The following PRIM2 variants were observed in gnomAD, a reference collection of about 807,000 sequenced individuals.
The protein encoded by PRIM2 is DNA primase large subunit.
In PRIM2, 39 loss-of-function variants were observed where a neutral mutation model predicts 67.3. That is an observed-to-expected ratio of 0.58 (90% confidence interval 0.45 to 0.76). The LOEUF is 0.76. Among genes scored for constraint, PRIM2 ranks in the 30% least tolerant of loss-of-function variants. The pLI, the probability that PRIM2 is intolerant of heterozygous loss-of-function variation, is 0.00. For synonymous variants in PRIM2, 143 were observed against 198.7 expected, an observed-to-expected ratio of 0.72 and a Z score of 2.36; for missense variants, 398 against 598.7, an observed-to-expected ratio of 0.66 and a Z score of 3.50.
chr6:57,341,693 A>G (rs539801256), intron 5 of PRIM2, among the ~76,000 whole-genome samples: 5 of 152,376 alleles, frequency 3.3e-5, no homozygotes, highest in African/African-American at 1.2e-4. Flanking sequence ...CTAGTCAGGT[A>G]TCAGTGATGC....
At chr6:57,300,470 C>T in the PRIM2 span, among the ~76,000 whole-genome samples, 1,848 of 152,030 alleles carry the variant, frequency 0.012, 35 homozygotes, top group African/African-American at 0.043. Context: ...TGTGTGTGTG[C>T]ACGCATGTGT....
the PRIM2 span, among the ~76,000 whole-genome samples, chr6:57,224,173 T>C: frequency 6.6e-6 from 1 of 152,112 alleles, no homozygotes; most frequent in African/African-American, 2.4e-5. Flanking sequence ...TGGCGAGGTA[T>C]CCCTGTAATC....
chr6:57,404,106 A>G lies in PRIM2; in HGVS notation c.693+21938A>G, dbSNP rs527754589. On this transcript the variant is annotated intron_variant, in intron 7 of 13. Coordinates refer to ENST00000615550, the MANE Select transcript of PRIM2 (RefSeq NM_000947.5). ...CAAAGTGTTTTCTAAGAGGCTGTCT[A>G]TAAAACTTACCAAGCAGGCCTCTTC... 6.7e-4 allele frequency among the ~76,000 whole-genome samples: 70 copies of G among 103,888 alleles called. No homozygotes were observed. The East Asian group carries it at 7.9e-3, about 12-fold the overall frequency. The allele number at this position is 103,888 out of a possible 152,430, so 68.2% of individuals were successfully genotyped here. A position where few individuals can be genotyped will look rare whatever the true frequency, so the allele number is the denominator to read the frequency against.
At chr6:57,483,995 T>G (rs1773687601) in intron 7 of PRIM2, among the ~76,000 whole-genome samples, 1 of 152,182 alleles carries the variant, frequency 6.6e-6, no homozygotes, top group Non-Finnish European at 1.5e-5. Flanking sequence ...CCTAAAATGA[T>G]TACGATATTA....
intron 13 of PRIM2, among the ~76,000 whole-genome samples, chr6:57,645,366 C>T (rs1777317379): frequency 1.6e-5 from 2 of 123,730 alleles, no homozygotes; most frequent in Admixed American, 1.7e-4. Flanking sequence ...CACACACACA[C>T]ACACATTTGT....
At chr6:57,383,573 C>CT (rs1482741284) in intron 7 of PRIM2, 1 of 75,248 alleles carries the variant, frequency 1.3e-5, no homozygotes, top group African/African-American at 5.7e-5. Flanking sequence ...GTTTTTCTTG[C>CT]TAAAAAAAAA....
intron 5 of PRIM2, among the ~76,000 whole-genome samples, chr6:57,338,952 A>G (rs1001339691): frequency 1.3e-5 from 2 of 152,244 alleles, no homozygotes; most frequent in African/African-American, 4.8e-5. Flanking sequence ...ATATCTAGAA[A>G]ACAACATTGT....
At chr6:57,603,029 A>T (rs1776498117) in intron 11 of PRIM2, among the ~76,000 whole-genome samples, 1 of 152,130 alleles carries the variant, frequency 6.6e-6, no homozygotes, top group African/African-American at 2.4e-5. Flanking sequence ...TCCAAAGCCC[A>T]TAGTTTACAA....
At chr6:57,512,723 A>G (rs1774396312) in intron 8 of PRIM2, among the ~76,000 whole-genome samples, 1 of 152,000 alleles carries the variant, frequency 6.6e-6, no homozygotes, top group South Asian at 2.1e-4. Context: ...TCAGCTTCCT[A>G]AGTAGCTGGG....
chr6:57,392,165 C>T (rs1770374413), intron 7 of PRIM2, among the ~76,000 whole-genome samples: 1 of 152,052 alleles, frequency 6.6e-6, no homozygotes, highest in African/African-American at 2.4e-5. Flanking sequence ...GTTGATTTGG[C>T]TCTCAGCTTG....
intron 10 of PRIM2, among the ~76,000 whole-genome samples, chr6:57,541,755 C>T (rs1245971914): frequency 6.6e-6 from 1 of 152,152 alleles, no homozygotes; most frequent in South Asian, 2.1e-4. Flanking sequence ...GAAATTCCCT[C>T]TTACTCACAG....
intron 7 of PRIM2, among the ~76,000 whole-genome samples, chr6:57,454,339 T>G (rs1772677086): frequency 6.6e-6 from 1 of 152,236 alleles, no homozygotes; most frequent in African/African-American, 2.4e-5. Context: ...TTTCTATTGA[T>G]TGGAATAGTT....
At chr6:57,335,868 T>C (rs1768225314) in intron 5 of PRIM2, among the ~76,000 whole-genome samples, 2 of 152,282 alleles carry the variant, frequency 1.3e-5, no homozygotes, top group South Asian at 2.1e-4. Context: ...AGAATGACTT[T>C]GACGAGCTGA....
chr6:57,324,589 C>CA (rs915075264), intron 4 of PRIM2, among the ~76,000 whole-genome samples: 1 of 151,742 alleles, frequency 6.6e-6, no homozygotes, highest in Non-Finnish European at 1.5e-5. Context: ...ATTTTTCCTG[C>CA]AAAAAAATGG....
At chr6:57,561,627 C>T (rs2127478328) in intron 10 of PRIM2, among the ~76,000 whole-genome samples, 1 of 152,340 alleles carries the variant, frequency 6.6e-6, no homozygotes, top group Non-Finnish European at 1.5e-5. Flanking sequence ...TAGGCTTTCA[C>T]TTAGGGGAAT....
chr6:57,619,795 A>G (rs1776819760), intron 12 of PRIM2, among the ~76,000 whole-genome samples: 1 of 152,238 alleles, frequency 6.6e-6, no homozygotes, highest in East Asian at 1.9e-4. Context: ...CCTAAGAGTA[A>G]TCGGTATTCC....
chr6:57,274,928 C>G, the PRIM2 span, among the ~76,000 whole-genome samples: 1 of 150,206 alleles, frequency 6.7e-6, no homozygotes, highest in Non-Finnish European at 1.5e-5. Context: ...AGGCACGTGC[C>G]TCAACACCTG....
chr6:57,342,360 T>G (rs1768522228), intron 5 of PRIM2, among the ~76,000 whole-genome samples: 1 of 152,212 alleles, frequency 6.6e-6, no homozygotes, highest in African/African-American at 2.4e-5. Context: ...CTCCCACTGC[T>G]GAGTTGATTG....
chr6:57,227,194 T>G, the PRIM2 span, among the ~76,000 whole-genome samples: 1 of 152,354 alleles, frequency 6.6e-6, no homozygotes, highest in Admixed American at 6.5e-5. Context: ...ACTCTCTGAC[T>G]TTTGAGAACT....
Sources: gnomAD v4.1 joint callset for allele counts (sites outside exome capture counted in the v4.1 genomes callset) on GRCh38, gnomAD v4.1.1 for gene constraint, MANE v1.5 for transcripts, NCBI Gene and HGNC (gene_info 2026-07-23, HGNC 2026-07-21) for gene names.